The following SCAF1 variants were observed in gnomAD, a reference collection of about 807,000 sequenced individuals.
The protein encoded by SCAF1 is SR-related CTD associated factor 1, also known as splicing factor, arginine/serine-rich 19.
In SCAF1, 28 loss-of-function variants were observed where a neutral mutation model predicts 91.2. That is an observed-to-expected ratio of 0.31 (90% CI 0.23 to 0.42). SCAF1 has a LOEUF of 0.42. Among genes scored for constraint, SCAF1 ranks in the 10% least tolerant of loss-of-function variants. The pLI, the probability that SCAF1 is intolerant of heterozygous loss-of-function variation, is 1.00. For synonymous variants in SCAF1, 1,036 were observed against 833.7 expected, an observed-to-expected ratio of 1.24 and a Z score of -4.18; for missense variants, 1,893 against 1,872.1, an observed-to-expected ratio of 1.01 and a Z score of -0.21.
At position 49,652,888 on chromosome 19, in the gene SCAF1, G is replaced by T. The variant is rs533114114; in HGVS notation, c.2499G>T (p.Leu833=). 3.7e-6 allele frequency: 6 copies of T among 1,614,008 alleles called. No homozygotes were observed. In the South Asian group the frequency reaches 6.6e-5, roughly 18 times the overall value. Residue 833 remains leucine, a synonymous_variant, in exon 7 of 11, where the codon CTG becomes CTT. Coordinates refer to ENST00000360565, the MANE Select transcript of SCAF1 (RefSeq NM_021228.3). The stretch of plus-strand genomic sequence containing the variant: ...CCTGTTCTTCCCGGAAGGTGAAGCT[G>T]CAGTCCAAGGTGGCGGTGCTGATCC... The part of the protein sequence containing the change: ...SSSCSSRKVK[L]QSKVAVLIRE...
chr19:49,643,651 A>G (rs2081039238), intron 1 of SCAF1, among the ~76,000 whole-genome samples: 1 of 152,226 alleles, frequency 6.6e-6, no homozygotes, highest in Admixed American at 6.5e-5. Flanking sequence ...GGGATCCCTC[A>G]GCCTGTAGTC....
chr19:49,640,675 G>A (rs1376880455), upstream of SCAF1, among the ~76,000 whole-genome samples: 2 of 152,284 alleles, frequency 1.3e-5, no homozygotes, highest in East Asian at 3.9e-4. Context: ...GTCTCCGCCC[G>A]CTAAGGGACC....
At chr19:49,641,059 G>T (rs1212784892), upstream of SCAF1, among the ~76,000 whole-genome samples, 1 of 152,230 alleles carries the variant, frequency 6.6e-6, no homozygotes, top group South Asian at 2.1e-4. Flanking sequence ...GAATTGGAGA[G>T]GCTGGGGACC....
intron 1 of SCAF1, 63 bp from the exon 2 acceptor site, chr19:49,644,958 A>G (rs971206585): frequency 3.7e-5 from 45 of 1,221,300 alleles, no homozygotes; most frequent in Middle Eastern, 3.8e-4. Flanking sequence ...CTTCATGTCT[A>G]TCCTCTACTT....
Position 49,652,559 on chromosome 19 carries a change from T to A in SCAF1, c.2170T>A (p.Ser724Thr). The change falls in exon 7 of 11, where the codon TCC becomes ACC. Residue 724 changes from serine to threonine, a missense_variant. Transcript: ENST00000360565. Reference protein sequence around the residue: ...DPRGPSPAPASSPKREVLYDS... With the variant: ...DPRGPSPAPATSPKREVLYDS... ...CCGAGGACCCTCTCCTGCTCCGGCC[T>A]CCTCACCTAAGCGGGAGGTCCTGTA... 1 of 1,564,782 alleles carries A rather than the reference T, an allele frequency of 6.4e-7. No homozygotes were observed. Among genetic ancestry groups the A allele is most frequent in the South Asian group, 1.2e-5 (1 of 85,710 alleles).
At position 49,646,641 on chromosome 19, in the gene SCAF1, A is replaced by T; in HGVS notation, c.362+15A>T. 6.2e-7 allele frequency: 1 copy of T among 1,613,816 alleles called. No individual in the cohort carries two copies. Among genetic ancestry groups the T allele is most frequent in the Non-Finnish European group, 8.5e-7 (1 of 1,179,770 alleles). On this transcript the variant is annotated intron_variant, in intron 5 of 10. Transcript: ENST00000360565. The surrounding 1 kb of genome is among the most constrained non-coding windows in gnomAD (Gnocchi z 5.6). ...CGGCCTGGCGAGTGAGTAGCTGGGC[A>T]GCTGGAGTGGGAGAGGCCTCAGCGT...
Position 49,653,130 on chromosome 19 carries a change from C to T in SCAF1, c.2741C>T (p.Thr914Ile), listed in dbSNP as rs1413803689. Residue 914 changes from threonine (T) to isoleucine (I), a missense_variant, in exon 7 of 11, where the codon ACC (threonine) becomes ATC (isoleucine). Around this residue, in one of 5 missense-constraint regions of SCAF1, gnomAD observed 1,436 missense variants for 1,306.8 expected, o/e 1.10. Transcript: ENST00000360565. ...GCAGGGGCCAAGAAAACCAAGGGGACCAAGGGAAAGACCAAGCCATCCAAG... is the reference window on the plus strand; with the variant it reads ...GCAGGGGCCAAGAAAACCAAGGGGATCAAGGGAAAGACCAAGCCATCCAAG... ...AKAGAKKTKGTKGKTKPSKTR... is the reference protein window; with the variant it reads ...AKAGAKKTKGIKGKTKPSKTR... 2 of 1,610,674 alleles carry T rather than the reference C, an allele frequency of 1.2e-6. No individual in the cohort carries two copies. The highest frequency in any genetic ancestry group is 1.3e-5 in the African/African-American group (1 of 74,808).
chr19:49,651,902 C>A lies in SCAF1; in HGVS notation c.1513C>A (p.Pro505Thr). The A allele has an allele frequency of 8.6e-7, 1 of 1,156,630 alleles. No homozygotes were observed. 71.6% of individuals were successfully genotyped at this position (1,156,630 alleles called of 1,614,324 possible). The change falls in exon 7 of 11, where the codon CCC (proline) becomes ACC (threonine). Residue 505 changes from proline to threonine, a missense_variant. By Grantham distance (38) the Pro-to-Thr change is conservative (BLOSUM62 -1). Transcript: ENST00000360565. ...GCGCTCGCCCTCCCCGGCGCCCGCG[C>A]CCGCCCCGGCCGCCGCTGCTGGTCC... ...RQRSPSPAPA[P>T]APAAAAGPPT...
intron 1 of SCAF1, among the ~76,000 whole-genome samples, chr19:49,643,123 A>G (rs1474239596): frequency 6.6e-6 from 1 of 152,260 alleles, no homozygotes; most frequent in Non-Finnish European, 1.5e-5. Context: ...CCCTTCAGAC[A>G]GTAATTCAAA....
chr19:49,652,006 C>G lies in SCAF1; in HGVS notation c.1617C>G (p.Thr539=), dbSNP rs761376462. Residue 539 remains threonine (T), a synonymous_variant, in exon 7 of 11, where the codon ACC becomes ACG. Transcript: ENST00000360565. ...AGGCCGCCTCGTCCTCGTCGGGCAC[C>G]CAGCCAGCGCCGCCCGCCCCGGCCT... ...AKEAASSSSG[T]QPAPPAPASP... 5.8e-6 allele frequency: 7 copies of G among 1,197,622 alleles called. No individual in the cohort carries two copies. The highest frequency in any genetic ancestry group is 1.1e-4 in the East Asian group (2 of 18,314). 74.2% of individuals were successfully genotyped at this position (1,197,622 alleles called of 1,614,324 possible). A position where few individuals can be genotyped will look rare whatever the true frequency, so the allele number is the denominator to read the frequency against.
At chr19:49,644,100 A>G (rs778331970) in intron 1 of SCAF1, among the ~76,000 whole-genome samples, 3 of 152,204 alleles carry the variant, frequency 2.0e-5, no homozygotes, top group Non-Finnish European at 4.4e-5. Context: ...AGATGCTCCT[A>G]TTTCGTGCAT....
chr19:49,652,742 GAT>G lies in SCAF1; in HGVS notation c.2355_2356del (p.Asp785GlufsTer84). 1 of 1,608,008 alleles carries G rather than the reference GAT, an allele frequency of 6.2e-7. No individual in the cohort carries two copies. The highest frequency in any genetic ancestry group is 2.2e-5 in the East Asian group (1 of 44,586). On this transcript the variant is annotated frameshift_variant, in exon 7 of 11. Coordinates refer to ENST00000360565, the MANE Select transcript of SCAF1 (RefSeq NM_021228.3). LOFTEE classifies it high-confidence loss of function. Reference protein sequence around the residue: ...GGDRDRDRDRDRDRDRSSKKA... With the variant: ...GGDRDRDRDRXRDRDRSSKKA... ...TGACCGGGATCGGGACAGGGACAGA[GAT>G]AGGGACAGGGACAGGTCATCCAAGA...
intron 6 of SCAF1, among the ~76,000 whole-genome samples, chr19:49,647,096 C>T (rs976571486): frequency 1.3e-5 from 2 of 152,230 alleles, no homozygotes; most frequent in Non-Finnish European, 2.9e-5. Context: ...GCGTTCATCT[C>T]CCCAGGAGGG....
chr19:49,650,956 C>T lies in SCAF1; in HGVS notation c.567C>T (p.Ala189=), dbSNP rs749621405. 4 of 1,532,618 alleles carry T rather than the reference C, an allele frequency of 2.6e-6. No individual in the cohort carries two copies. Among genetic ancestry groups the T allele is most frequent in the Non-Finnish European group, 8.9e-7 (1 of 1,121,584 alleles). 94.9% of individuals were successfully genotyped at this position (1,532,618 alleles called of 1,614,324 possible). Residue 189 remains alanine (A), a synonymous_variant, in exon 7 of 11, where the codon GCC becomes GCT. Transcript: ENST00000360565. The part of the protein sequence containing the change: ...TGDGGPAPPP[A]PSSASSSPSP... ...ACGGGGGCCCTGCCCCACCCCCTGC[C>T]CCCTCCTCTGCATCCTCCTCCCCTT...
rs1023762716 is a variant in SCAF1, at chr19:49,657,505, C to T, written c.3619-256C>T. ...GGGCAGGCGACACACATGTCCTGGT[C>T]CCGGCCAGGCCTGGAGCAGCCCAGG... On this transcript the variant is annotated intron_variant, in intron 9 of 10. Coordinates refer to ENST00000360565, the MANE Select transcript of SCAF1 (RefSeq NM_021228.3). Among the ~76,000 whole-genome samples, 73 of 152,250 alleles carry T rather than the reference C, an allele frequency of 4.8e-4. 2 individuals are homozygous for T. The highest frequency in any genetic ancestry group is 1.5e-4 in the Non-Finnish European group (10 of 68,036).
chr19:49,651,624 C>A lies in SCAF1; in HGVS notation c.1235C>A (p.Pro412His). 1 of 1,456,858 alleles carries A rather than the reference C, an allele frequency of 6.9e-7. No homozygotes were observed. The highest frequency in any genetic ancestry group is 9.0e-7 in the Non-Finnish European group (1 of 1,109,418). 90.2% of individuals were successfully genotyped at this position (1,456,858 alleles called of 1,614,324 possible). ...EPRLALSLFR[P>H]GGRAARPTPA... ...AGGCTGGCGCTGTCCCTCTTCCGCC[C>A]CGGCGGCCGGGCCGCCCGGCCTACA... Residue 412 changes from proline (P) to histidine (H), a missense_variant, in exon 7 of 11, where the codon CCC becomes CAC. Coordinates refer to ENST00000360565, the MANE Select transcript of SCAF1 (RefSeq NM_021228.3).
chr19:49,647,914 T>A (rs762455640), intron 6 of SCAF1, among the ~76,000 whole-genome samples: 18 of 152,002 alleles, frequency 1.2e-4, no homozygotes, highest in Admixed American at 7.9e-4. Context: ...ATTACAGGCG[T>A]GAGCCACTGT....
rs757114811 is a variant in SCAF1, at chr19:49,645,345, C to T, written c.109-9C>T. ...TCCTCTGACGCTTGGTTCTTCCCCC[C>T]TTCCCCAGCGAGCCATCCAGCAGGC... On this transcript the variant is annotated splice_polypyrimidine_tract_variant and intron_variant, in intron 2 of 10. Coordinates refer to ENST00000360565, the MANE Select transcript of SCAF1 (RefSeq NM_021228.3). This position sits in a 1 kb window ranked among gnomAD's most constrained non-coding sequence, Gnocchi z 4.6. The T allele has an allele frequency of 6.2e-7, 1 of 1,613,932 alleles. No homozygotes were observed. Among genetic ancestry groups the T allele is most frequent in the Non-Finnish European group, 8.5e-7 (1 of 1,179,898 alleles).
At chr19:49,648,627 G>T (rs890430660) in intron 6 of SCAF1, among the ~76,000 whole-genome samples, 2 of 149,182 alleles carry the variant, frequency 1.3e-5, no homozygotes, top group African/African-American at 5.0e-5. Flanking sequence ...ATGGTGCCTA[G>T]GACTTATGAC....
Sources: gnomAD v4.1 joint callset for allele counts (sites outside exome capture counted in the v4.1 genomes callset) on GRCh38, gnomAD v4.1.1 for gene constraint, gnomAD v4.1.1 regional missense constraint, Gnocchi (gnomAD v3.1) non-coding constraint, MANE v1.5 for transcripts, NCBI Gene and HGNC (gene_info 2026-07-23, HGNC 2026-07-21) for gene names.